DPYD: variants seen among roughly 807,000 people sequenced by gnomAD.
DPYD encodes dihydropyrimidine dehydrogenase [NADP(+)].
In DPYD, 109 loss-of-function variants were observed where a neutral mutation model predicts 116.2. The observed-to-expected ratio is 0.94, with a 90% confidence interval of 0.80 to 1.10. The LOEUF is 1.10. Among genes scored for constraint, DPYD ranks in the 50% least tolerant of loss-of-function variants. The pLI, the probability that DPYD is intolerant of heterozygous loss-of-function variation, is 0.00. For synonymous variants in DPYD, 440 were observed against 432.0 expected (o/e 1.02, Z -0.23); for missense variants, 1,302 against 1,254.5 (o/e 1.04, Z -0.57).
At chr1:97,622,339 T>C (rs1656677670) in intron 8 of DPYD, among the ~76,000 whole-genome samples, 1 of 152,118 alleles carries the variant, frequency 6.6e-6, no homozygotes, top group South Asian at 2.1e-4. Flanking sequence ...ATAACCCCAG[T>C]TTAATCATGA....
intron 8 of DPYD, among the ~76,000 whole-genome samples, chr1:97,632,506 TGA>T (rs1201117952): frequency 6.6e-6 from 1 of 152,156 alleles, no homozygotes; most frequent in African/African-American, 2.4e-5. Context: ...TGGACATGAA[TGA>T]GAGTAACAAA....
intron 18 of DPYD, among the ~76,000 whole-genome samples, chr1:97,291,694 G>T (rs1463452054): frequency 6.6e-6 from 1 of 151,854 alleles, no homozygotes. Flanking sequence ...TTGTGGGGTG[G>T]GGGGAGTGGG....
chr1:97,250,734 TA>T (rs912209001), intron 18 of DPYD, among the ~76,000 whole-genome samples: 4 of 152,116 alleles, frequency 2.6e-5, no homozygotes, highest in African/African-American at 9.7e-5. Flanking sequence ...TTAGTACAGA[TA>T]AAAAGAGTCT....
Position 97,705,519 on chromosome 1 carries a change from A to C in DPYD, c.484-5972T>G, listed in dbSNP as rs535415620. Among the ~76,000 whole-genome samples the C allele has an allele frequency of 2.1e-4, 32 of 151,918 alleles. No homozygotes were observed. The East Asian group carries it at 5.6e-3, about 27-fold the overall frequency. ...TGGTGTATATGTGCCACATTTTCTTAATCCAGTCTATCATTGTTGGACATT... is the reference window on the plus strand; with the variant it reads ...TGGTGTATATGTGCCACATTTTCTTCATCCAGTCTATCATTGTTGGACATT... On this transcript the variant is annotated intron_variant, in intron 5 of 22. Coordinates refer to ENST00000370192, the MANE Select transcript of DPYD (RefSeq NM_000110.4).
chr1:97,726,730 A>C (rs1663283905), intron 4 of DPYD, among the ~76,000 whole-genome samples: 2 of 151,592 alleles, frequency 1.3e-5, no homozygotes, highest in Admixed American at 1.3e-4. Context: ...CAGAAAAAAA[A>C]AACATAATCC....
intron 16 of DPYD, among the ~76,000 whole-genome samples, chr1:97,353,350 C>T (rs530143352): frequency 1.3e-5 from 2 of 152,262 alleles, no homozygotes; most frequent in African/African-American, 4.8e-5. Flanking sequence ...GCAGGAGGAG[C>T]ACTTGTGGTG....
At chr1:97,638,392 G>T (rs1020980997) in intron 8 of DPYD, among the ~76,000 whole-genome samples, 1 of 152,086 alleles carries the variant, frequency 6.6e-6, no homozygotes, top group Admixed American at 6.5e-5. Context: ...GGTACTTGTG[G>T]CAAATCATTA....
At chr1:97,135,696 A>T (rs1653734460) in intron 20 of DPYD, among the ~76,000 whole-genome samples, 1 of 152,140 alleles carries the variant, frequency 6.6e-6, no homozygotes, top group Admixed American at 6.6e-5. Flanking sequence ...GTAGATTTCA[A>T]GGTTTTATGG....
At chr1:97,915,991 T>A (rs1674192311) in intron 1 of DPYD, among the ~76,000 whole-genome samples, 1 of 149,362 alleles carries the variant, frequency 6.7e-6, no homozygotes, top group Non-Finnish European at 1.5e-5. Flanking sequence ...CCCACAGTGA[T>A]CAGACATCTT....
chr1:97,680,291 T>C (rs1030415821), intron 7 of DPYD, among the ~76,000 whole-genome samples: 17 of 152,112 alleles, frequency 1.1e-4, no homozygotes, highest in African/African-American at 3.9e-4. Flanking sequence ...TATCCTATCC[T>C]GGGTGCAATG....
intron 3 of DPYD, among the ~76,000 whole-genome samples, chr1:97,754,527 G>T (rs1665122787): frequency 6.6e-6 from 1 of 152,176 alleles, no homozygotes; most frequent in Non-Finnish European, 1.5e-5. Context: ...TTGAGTCAAG[G>T]TAATAGTACT....
At chr1:97,502,396 T>C (rs1679634599) in intron 13 of DPYD, among the ~76,000 whole-genome samples, 1 of 152,018 alleles carries the variant, frequency 6.6e-6, no homozygotes, top group East Asian at 1.9e-4. Flanking sequence ...TGGAGGAATC[T>C]AGAGAAGTCC....
At chr1:97,513,266 A>G (rs1435616596) in intron 13 of DPYD, among the ~76,000 whole-genome samples, 2 of 151,738 alleles carry the variant, frequency 1.3e-5, no homozygotes, top group African/African-American at 2.4e-5. Context: ...TCACGCAAAC[A>G]TATTTGCTGC....
chr1:97,398,798 T>C (rs1292856761), intron 14 of DPYD, among the ~76,000 whole-genome samples: 1 of 151,856 alleles, frequency 6.6e-6, no homozygotes, highest in East Asian at 1.9e-4. Context: ...GGGTTGTTTG[T>C]ATTTTTCTTG....
intron 14 of DPYD, among the ~76,000 whole-genome samples, chr1:97,415,851 T>G (rs559368917): frequency 1.5e-4 from 23 of 152,364 alleles, no homozygotes; most frequent in African/African-American, 4.8e-4. Context: ...TAATATCATT[T>G]TAAAATTAAT....
At chr1:97,778,218 GA>G (rs1666535787) in intron 3 of DPYD, among the ~76,000 whole-genome samples, 1 of 137,798 alleles carries the variant, frequency 7.3e-6, no homozygotes. Context: ...GAGAGAGAGA[GA>G]GGGAGGGAGG....
At chr1:97,377,047 G>T (rs1346523628) in intron 15 of DPYD, among the ~76,000 whole-genome samples, 1 of 151,006 alleles carries the variant, frequency 6.6e-6, no homozygotes, top group African/African-American at 2.4e-5. Flanking sequence ...AGTCAGAGAA[G>T]CTAGAACTCC....
At chr1:97,621,921 A>C (rs984802765) in intron 8 of DPYD, among the ~76,000 whole-genome samples, 1 of 152,106 alleles carries the variant, frequency 6.6e-6, no homozygotes, top group African/African-American at 2.4e-5. Flanking sequence ...CAGCCAGAAC[A>C]ATTTGAGCAA....
At chr1:97,798,264 T>C (rs1008669565) in intron 3 of DPYD, among the ~76,000 whole-genome samples, 4 of 152,076 alleles carry the variant, frequency 2.6e-5, no homozygotes, top group Non-Finnish European at 4.4e-5. Flanking sequence ...GGATAGTCTC[T>C]CTGAATTGTT....
Sources: gnomAD v4.1 joint callset for allele counts (sites outside exome capture counted in the v4.1 genomes callset) on GRCh38, gnomAD v4.1.1 for gene constraint, MANE v1.5 for transcripts, NCBI Gene and HGNC (gene_info 2026-07-23, HGNC 2026-07-21) for gene names.